Variants in TMEM132D observed in about 807,000 individuals in gnomAD.
The protein encoded by TMEM132D is transmembrane protein 132D.
TMEM132D carries 21 observed loss-of-function variants against 62.3 expected under a neutral mutation model. The ratio of observed to expected loss-of-function variants is 0.34; its 90% CI spans 0.24 to 0.49. TMEM132D has a LOEUF of 0.49. Ranked by LOEUF, TMEM132D falls within the 20% of genes least tolerant of loss-of-function variation. The probability of loss-of-function intolerance (pLI) is 0.99; values close to 1 mark genes in which losing one functional copy is unlikely to be tolerated. For missense variants in TMEM132D, 1,346 were observed against 1,402.8 expected (o/e 0.96, Z 0.65); for synonymous variants, 621 against 575.6 (o/e 1.08, Z -1.13).
intron 3 of TMEM132D, among the ~76,000 whole-genome samples, chr12:129,365,824 G>A (rs1870389824): frequency 6.6e-6 from 1 of 152,128 alleles, no homozygotes; most frequent in African/African-American, 2.4e-5. Flanking sequence ...TCTGAGAGGA[G>A]CTGAATGGAG....
rs537794098 is a variant in TMEM132D, at chr12:129,692,013, A to C, written c.968+7797T>G. The stretch of plus-strand genomic sequence containing the variant: ...GGCTCGGATGGATTCACCAGTGAAA[A>C]TTTACGAACATTTAAGATATAAATA... On this transcript the variant is annotated intron_variant, in intron 2 of 8. Coordinates refer to ENST00000422113, the MANE Select transcript of TMEM132D (RefSeq NM_133448.3). 3.3e-5 allele frequency among the ~76,000 whole-genome samples: 5 copies of C among 152,172 alleles called. No homozygotes were observed. In the East Asian group the frequency reaches 5.8e-4, roughly 18 times the overall value.
At chr12:129,203,812 G>C (rs1290506701) in intron 5 of TMEM132D, among the ~76,000 whole-genome samples, 1 of 152,230 alleles carries the variant, frequency 6.6e-6, no homozygotes, top group African/African-American at 2.4e-5. Flanking sequence ...GGACCAACCT[G>C]GTAAGTATAC....
At chr12:129,092,520 C>T (rs909495451) in intron 5 of TMEM132D, among the ~76,000 whole-genome samples, 4 of 151,912 alleles carry the variant, frequency 2.6e-5, no homozygotes, top group African/African-American at 9.7e-5. Flanking sequence ...CATGGTGAAA[C>T]CTGTCTCTAT....
At chr12:129,842,097 A>ATTTTTTTT (rs746315309) in intron 1 of TMEM132D, among the ~76,000 whole-genome samples, 2,206 of 95,330 alleles carry the variant, frequency 0.023, no homozygotes, top group Non-Finnish European at 0.034. Flanking sequence ...CGCCCGGCTA[A>ATTTTTTTT]TTTTTTTTTT....
intron 2 of TMEM132D, among the ~76,000 whole-genome samples, chr12:129,669,877 T>C (rs1880464390): frequency 6.6e-6 from 1 of 152,196 alleles, no homozygotes; most frequent in African/African-American, 2.4e-5. Flanking sequence ...AGGGTACTAA[T>C]GTTTTTGCCA....
At chr12:129,357,385 GGGAA>G (rs1255083768) in intron 3 of TMEM132D, among the ~76,000 whole-genome samples, 2 of 145,200 alleles carry the variant, frequency 1.4e-5, no homozygotes, top group African/African-American at 2.6e-5. Flanking sequence ...GAGGGAGGGA[GGGAA>G]GGAAGGAACG....
chr12:129,238,884 A>G (rs868480365), intron 4 of TMEM132D, among the ~76,000 whole-genome samples: 1 of 152,202 alleles, frequency 6.6e-6, no homozygotes, highest in Admixed American at 6.5e-5. Context: ...TCTATGTTCA[A>G]TTGAGGAATT....
chr12:129,652,643 G>A (rs1172193847), intron 2 of TMEM132D, among the ~76,000 whole-genome samples: 4 of 152,196 alleles, frequency 2.6e-5, no homozygotes, highest in South Asian at 2.1e-4. Context: ...AGTTGCTGGA[G>A]TGGCAAGAAT....
Position 129,388,355 on chromosome 12 carries a change from A to G in TMEM132D, c.1116-50538T>C, listed in dbSNP as rs575823694. ...TAACACCGACACCAATACTAACACCAACACCAATCCAGCACTGATGATAAT... is the reference window on the plus strand; with the variant it reads ...TAACACCGACACCAATACTAACACCGACACCAATCCAGCACTGATGATAAT... On this transcript the variant is annotated intron_variant, in intron 3 of 8. Transcript: ENST00000422113. Among the ~76,000 whole-genome samples, 2 of 98,016 alleles carry G rather than the reference A, an allele frequency of 2.0e-5. 1 individual carries two copies. The highest frequency in any genetic ancestry group is 5.5e-5 in the Non-Finnish European group (2 of 36,474). 64.3% of individuals were successfully genotyped at this position (98,016 alleles called of 152,430 possible). A position where few individuals can be genotyped will look rare whatever the true frequency, so the allele number is the denominator to read the frequency against.
intron 3 of TMEM132D, among the ~76,000 whole-genome samples, chr12:129,376,229 T>C (rs1870775511): frequency 6.6e-6 from 1 of 152,038 alleles, no homozygotes; most frequent in Non-Finnish European, 1.5e-5. Context: ...AATAAAGACA[T>C]ACCTGAGACT....
chr12:129,290,389 A>G (rs1478389722), intron 4 of TMEM132D, among the ~76,000 whole-genome samples: 10 of 152,116 alleles, frequency 6.6e-5, no homozygotes, highest in Non-Finnish European at 1.5e-4. Flanking sequence ...GTAACAGGTT[A>G]TCGAAGCATA....
chr12:129,819,137 A>T (rs975359362), intron 1 of TMEM132D, among the ~76,000 whole-genome samples: 7 of 152,022 alleles, frequency 4.6e-5, no homozygotes, highest in Non-Finnish European at 8.8e-5. Flanking sequence ...AAAAGGAACG[A>T]AAACATAGGT....
intron 1 of TMEM132D, among the ~76,000 whole-genome samples, chr12:129,762,770 A>C (rs1870426029): frequency 6.6e-6 from 1 of 152,148 alleles, no homozygotes; most frequent in Admixed American, 6.5e-5. Context: ...TGGGGAGATG[A>C]ACTGAAAGCA....
At chr12:129,607,071 CT>C (rs34733158) in intron 2 of TMEM132D, among the ~76,000 whole-genome samples, 156 of 142,872 alleles carry the variant, frequency 1.1e-3, no homozygotes, top group Middle Eastern at 3.7e-3. Flanking sequence ...TTCTTTCTTT[CT>C]TTTTTTTTTT....
intron 1 of TMEM132D, among the ~76,000 whole-genome samples, chr12:129,746,925 C>T (rs891102827): frequency 6.6e-6 from 1 of 152,150 alleles, no homozygotes; most frequent in Non-Finnish European, 1.5e-5. Context: ...CCAATCCTAT[C>T]GGCTCCACAT....
chr12:129,510,506 G>A (rs946582013), intron 3 of TMEM132D, among the ~76,000 whole-genome samples: 2 of 152,120 alleles, frequency 1.3e-5, no homozygotes, highest in Non-Finnish European at 2.9e-5. Flanking sequence ...TGGCGTGTGT[G>A]CTTGTGGGTT....
intron 3 of TMEM132D, among the ~76,000 whole-genome samples, chr12:129,437,530 T>C (rs1338892187): frequency 2.6e-5 from 4 of 152,276 alleles, no homozygotes; most frequent in African/African-American, 9.6e-5. Flanking sequence ...GACATAAATT[T>C]TGGAAAATAC....
At chr12:129,337,441 GCACACACACACA>G (rs34583805) in intron 4 of TMEM132D, among the ~76,000 whole-genome samples, 181 bp downstream of exon 4, 7 of 148,226 alleles carry the variant, frequency 4.7e-5, no homozygotes, top group East Asian at 4.0e-4. Context: ...ATACACACAC[GCACACACACACA>G]CACACACACA....
chr12:129,880,811 G>A lies in TMEM132D; in HGVS notation c.79+22450C>T, dbSNP rs137930456. Among the ~76,000 whole-genome samples the A allele has an allele frequency of 4.6e-4, 70 of 150,830 alleles. No individual in the cohort carries two copies. In the East Asian group the frequency reaches 0.011, roughly 23 times the overall value. ...TGCAGAGAAAAGGGGGATGCCAGAAGGCCACAAAGAACAGATAGAACAAAT... is the reference window on the plus strand; with the variant it reads ...TGCAGAGAAAAGGGGGATGCCAGAAAGCCACAAAGAACAGATAGAACAAAT... On this transcript the variant is annotated intron_variant, in intron 1 of 8. Coordinates refer to ENST00000422113, the MANE Select transcript of TMEM132D (RefSeq NM_133448.3).
Sources: gnomAD v4.1 joint callset for allele counts (sites outside exome capture counted in the v4.1 genomes callset) on GRCh38, gnomAD v4.1.1 for gene constraint, MANE v1.5 for transcripts, NCBI Gene and HGNC (gene_info 2026-07-23, HGNC 2026-07-21) for gene names.